The following HCN1 variants were observed in gnomAD, a reference collection of about 807,000 sequenced individuals.
HCN1 encodes hyperpolarization activated cyclic nucleotide gated potassium channel 1.
HCN1 carries 13 observed loss-of-function variants against 78.9 expected under a neutral mutation model. The ratio of observed to expected loss-of-function variants is 0.16; its 90% CI spans 0.11 to 0.26. The LOEUF (loss-of-function observed/expected upper bound fraction) is 0.26, where lower values mean the gene tolerates loss of function less well. HCN1 is among the 10% of genes least tolerant of loss of function. HCN1 has a pLI of 1.00. For synonymous variants in HCN1, 552 were observed against 455.5 expected (o/e 1.21, Z -2.70); for missense variants, 810 against 1,154.3 (o/e 0.70, Z 4.32).
At chr5:45,386,535 T>A (rs898382526) in intron 4 of HCN1, among the ~76,000 whole-genome samples, 2 of 152,130 alleles carry the variant, frequency 1.3e-5, no homozygotes, top group African/African-American at 4.8e-5. Flanking sequence ...CAGCTCTGCA[T>A]CTACTTATAC....
At chr5:45,375,182 T>A (rs1393587906) in intron 4 of HCN1, among the ~76,000 whole-genome samples, 9 of 121,280 alleles carry the variant, frequency 7.4e-5, no homozygotes, top group African/African-American at 2.3e-4. Context: ...TAATATATAA[T>A]GTATTATATA....
chr5:45,642,475 G>T (rs1745474657), intron 2 of HCN1: 1 of 151,708 alleles, frequency 6.6e-6, no homozygotes, highest in Non-Finnish European at 1.5e-5. Context: ...ATGTATTGTT[G>T]AAGATGGAAG....
At position 45,396,579 on chromosome 5, in the gene HCN1, G is replaced by A. The variant is rs761760627; in HGVS notation, c.1143C>T (p.Val381=). The A allele has an allele frequency of 1.2e-5, 19 of 1,613,762 alleles. No individual in the cohort carries two copies. The highest frequency in any genetic ancestry group is 4.5e-5 in the East Asian group (2 of 44,824). Residue 381 remains valine, a synonymous_variant, in exon 4 of 8, where the codon GTC becomes GTT. Transcript: ENST00000303230. ...CAAACATGGCATAGCAGGTGGCCCC[G>A]ACGATCATGCTCAGCATGGTAATCC... The part of the protein sequence containing the change: ...DLWITMLSMI[V]GATCYAMFVG...
intron 2 of HCN1, among the ~76,000 whole-genome samples, chr5:45,613,005 C>A (rs922351440): frequency 1.3e-5 from 2 of 151,874 alleles, no homozygotes; most frequent in African/African-American, 2.4e-5. Context: ...GGAAGGAATT[C>A]TTTTTTTTAT....
At chr5:45,440,637 G>C (rs1740652171) in intron 3 of HCN1, among the ~76,000 whole-genome samples, 1 of 152,154 alleles carries the variant, frequency 6.6e-6, no homozygotes, top group African/African-American at 2.4e-5. Context: ...GTGTTGCTCT[G>C]TTTTGTCTAC....
intron 2 of HCN1, among the ~76,000 whole-genome samples, chr5:45,515,663 T>C (rs1451849294): frequency 6.6e-6 from 1 of 151,948 alleles, no homozygotes; most frequent in Non-Finnish European, 1.5e-5. Context: ...AAAATGAGGC[T>C]ACAATTCTAC....
intron 1 of HCN1, among the ~76,000 whole-genome samples, chr5:45,689,262 C>T (rs745519359): frequency 2.0e-5 from 3 of 151,940 alleles, no homozygotes; most frequent in African/African-American, 4.8e-5. Flanking sequence ...CAAACCTGCA[C>T]ATCCCACACA....
chr5:45,312,695 G>T (rs1035473707), intron 5 of HCN1, among the ~76,000 whole-genome samples: 5 of 152,204 alleles, frequency 3.3e-5, no homozygotes, highest in Admixed American at 2.6e-4. Flanking sequence ...AATGGTCTTA[G>T]CAAACGGCAC....
Position 45,261,767 on chromosome 5 carries a change from T to A in HCN1, c.*154A>T. ...AGATATATATTTTATAGTATATGTATATATATTTTTACATTTCACGTGTAG... is the reference window on the plus strand; with the variant it reads ...AGATATATATTTTATAGTATATGTAAATATATTTTTACATTTCACGTGTAG... On this transcript the variant is annotated 3_prime_UTR_variant, in exon 8 of 8. Coordinates refer to ENST00000303230, the MANE Select transcript of HCN1 (RefSeq NM_021072.4). 1.2e-6 allele frequency: 1 copy of A among 817,628 alleles called. No individual in the cohort carries two copies. The highest frequency in any genetic ancestry group is 1.5e-5 in the South Asian group (1 of 67,712). 50.6% of individuals were successfully genotyped at this position (817,628 alleles called of 1,614,324 possible).
At chr5:45,595,155 C>T (rs376373189) in intron 2 of HCN1, among the ~76,000 whole-genome samples, 1 of 152,108 alleles carries the variant, frequency 6.6e-6, no homozygotes, top group East Asian at 1.9e-4. Flanking sequence ...AGTGTATAAA[C>T]TTCTAAAAGC....
intron 2 of HCN1, among the ~76,000 whole-genome samples, chr5:45,500,753 T>C (rs1742171401): frequency 6.6e-6 from 1 of 152,236 alleles, no homozygotes; most frequent in Non-Finnish European, 1.5e-5. Flanking sequence ...TCTGGCATAC[T>C]ATCCTTAATT....
intron 2 of HCN1, among the ~76,000 whole-genome samples, chr5:45,505,841 T>C (rs867456075): frequency 6.6e-5 from 10 of 152,166 alleles, no homozygotes; most frequent in Admixed American, 2.0e-4. Context: ...CATATTCAAA[T>C]ACTGGTATTA....
At chr5:45,340,653 T>C (rs182820651) in intron 5 of HCN1, among the ~76,000 whole-genome samples, 8 of 152,330 alleles carry the variant, frequency 5.3e-5, no homozygotes, top group African/African-American at 1.9e-4. Context: ...ATAGAGTTTT[T>C]TTTTTTAAAC....
intron 2 of HCN1, among the ~76,000 whole-genome samples, chr5:45,497,124 A>G (rs1398430332): frequency 6.6e-6 from 1 of 152,174 alleles, no homozygotes; most frequent in East Asian, 1.9e-4. Flanking sequence ...ACTTCCAAGT[A>G]TGTGGTCAAT....
intron 2 of HCN1, among the ~76,000 whole-genome samples, chr5:45,535,524 G>C (rs958980251): frequency 6.6e-6 from 1 of 152,076 alleles, no homozygotes; most frequent in Non-Finnish European, 1.5e-5. Context: ...CTTGAACCTG[G>C]GAGGTGGAGG....
intron 2 of HCN1, among the ~76,000 whole-genome samples, chr5:45,540,257 C>G (rs1170330879): frequency 6.6e-6 from 1 of 151,566 alleles, no homozygotes; most frequent in Non-Finnish European, 1.5e-5. Flanking sequence ...AGTACTCCAG[C>G]TTTGACAGCT....
intron 2 of HCN1, among the ~76,000 whole-genome samples, chr5:45,556,911 A>T (rs1743481865): frequency 6.6e-6 from 1 of 151,976 alleles, no homozygotes; most frequent in African/African-American, 2.4e-5. Context: ...GATCCTATTG[A>T]CACCTGAAAT....
chr5:45,509,325 T>C (rs893331093), intron 2 of HCN1, among the ~76,000 whole-genome samples: 4 of 152,102 alleles, frequency 2.6e-5, no homozygotes, highest in African/African-American at 9.7e-5. Flanking sequence ...AGCTGTATGA[T>C]AAAGTAGATG....
chr5:45,683,989 T>C (rs1414369179), intron 1 of HCN1, among the ~76,000 whole-genome samples: 1 of 152,094 alleles, frequency 6.6e-6, no homozygotes, highest in Non-Finnish European at 1.5e-5. Context: ...GCTATAATTC[T>C]TAAGTAGCTT....
Sources: allele counts gnomAD v4.1 joint callset (sites outside exome capture counted in the v4.1 genomes callset), GRCh38; gene constraint gnomAD v4.1.1; transcripts MANE v1.5; gene names NCBI Gene and HGNC (gene_info 2026-07-23, HGNC 2026-07-21).